HS3ST2: variants seen among roughly 807,000 people sequenced by gnomAD.
The protein encoded by HS3ST2 is heparan sulfate glucosamine 3-O-sulfotransferase 2.
In HS3ST2, 17 loss-of-function variants were observed where a neutral mutation model predicts 26.3. The observed-to-expected ratio is 0.65, with a 90% CI of 0.44 to 0.97. The LOEUF is 0.97. HS3ST2 is among the 50% of genes least tolerant of loss of function. HS3ST2 has a pLI of 0.00. For synonymous variants in HS3ST2, 237 were observed against 219.2 expected, an observed-to-expected ratio of 1.08 and a Z score of -0.72; for missense variants, 402 against 501.2, an observed-to-expected ratio of 0.80 and a Z score of 1.89.
In HS3ST2 at chr16:22,890,493, A is replaced by G. The variant is rs74416365; in HGVS notation, c.486-24451A>G. The stretch of plus-strand genomic sequence containing the variant: ...CTTTCTTTAAAGAGATCCCAGTTAT[A>G]TACATTTTTGTGCAATAGGTGACCT... On this transcript the variant is annotated intron_variant, in intron 1 of 1. Coordinates refer to ENST00000261374, the MANE Select transcript of HS3ST2 (RefSeq NM_006043.2). 2.5e-3 allele frequency among the ~76,000 whole-genome samples: 380 copies of G among 152,332 alleles called. 6 individuals are homozygous for G. The East Asian group carries it at 0.04, about 16-fold the overall frequency.
At chr16:22,850,318 C>T (rs747606413) in intron 1 of HS3ST2, among the ~76,000 whole-genome samples, 6 of 151,918 alleles carry the variant, frequency 3.9e-5, no homozygotes, top group South Asian at 2.1e-4. Context: ...GTAATACTCT[C>T]GGTAGGTATA....
chr16:22,908,142 A>G (rs208629), intron 1 of HS3ST2, among the ~76,000 whole-genome samples: 72,018 of 151,938 alleles, frequency 0.47, 17,863 homozygotes, highest in Admixed American at 0.56. Context: ...AACAAACACA[A>G]ACCAGCATGA....
chr16:22,824,929 C>T (rs1226704457), intron 1 of HS3ST2, among the ~76,000 whole-genome samples: 1 of 151,998 alleles, frequency 6.6e-6, no homozygotes, highest in Admixed American at 6.6e-5. Context: ...GATGAGTGGG[C>T]ATTGAAGCAA....
intron 1 of HS3ST2, among the ~76,000 whole-genome samples, chr16:22,886,279 T>C (rs926446460): frequency 6.6e-6 from 1 of 152,216 alleles, no homozygotes; most frequent in African/African-American, 2.4e-5. Context: ...TTTGTTTCTT[T>C]CTCTGATACT....
intron 1 of HS3ST2, among the ~76,000 whole-genome samples, chr16:22,836,928 G>A (rs1901264732): frequency 6.6e-6 from 1 of 152,142 alleles, no homozygotes; most frequent in Non-Finnish European, 1.5e-5. Context: ...AAAGTGATGG[G>A]TTTATAGGTG....
intron 1 of HS3ST2, among the ~76,000 whole-genome samples, chr16:22,858,238 G>A (rs1901626539): frequency 6.6e-6 from 1 of 151,350 alleles, no homozygotes; most frequent in Admixed American, 6.6e-5. Context: ...TGAGGGGATG[G>A]ATACCCCATT....
At chr16:22,833,569 C>A (rs1053844381) in intron 1 of HS3ST2, 2 of 318,504 alleles carry the variant, frequency 6.3e-6, no homozygotes, top group African/African-American at 4.3e-5. Context: ...GAGTCTACTA[C>A]TCTAAAGACT....
intron 1 of HS3ST2, among the ~76,000 whole-genome samples, chr16:22,856,494 A>G (rs1053648242): frequency 6.6e-6 from 1 of 152,188 alleles, no homozygotes; most frequent in South Asian, 2.1e-4. Flanking sequence ...TTTCCTAGAA[A>G]TAGAAATCCT....
chr16:22,822,214 C>T (rs1476660592), intron 1 of HS3ST2, among the ~76,000 whole-genome samples: 2 of 152,032 alleles, frequency 1.3e-5, no homozygotes, highest in Non-Finnish European at 2.9e-5. Context: ...TTTTTTGAGA[C>T]TCATGCAGTG....
At chr16:22,826,087 G>A (rs1451475952) in intron 1 of HS3ST2, among the ~76,000 whole-genome samples, 1 of 152,184 alleles carries the variant, frequency 6.6e-6, no homozygotes, top group Non-Finnish European at 1.5e-5. Flanking sequence ...CACCTGCTAT[G>A]TGCCAGGCAA....
At chr16:22,896,568 G>A (rs551185322) in intron 1 of HS3ST2, among the ~76,000 whole-genome samples, 4 of 152,184 alleles carry the variant, frequency 2.6e-5, no homozygotes, top group Non-Finnish European at 4.4e-5. Flanking sequence ...TCAGCTCAAT[G>A]TTGTGAATTT....
intron 1 of HS3ST2, among the ~76,000 whole-genome samples, chr16:22,910,308 C>T (rs1902410025): frequency 6.6e-6 from 1 of 152,170 alleles, no homozygotes; most frequent in South Asian, 2.1e-4. Flanking sequence ...AATGGCAAGT[C>T]AAGTCAATTT....
At chr16:22,823,672 AACT>A (rs144352221) in intron 1 of HS3ST2, among the ~76,000 whole-genome samples, 3,462 of 151,692 alleles carry the variant, frequency 0.023, 132 homozygotes, top group African/African-American at 0.079. Flanking sequence ...CTGTAGTCCC[AACT>A]ACTTGGGAGG....
At chr16:22,910,039 A>AAAC (rs988090163) in intron 1 of HS3ST2, among the ~76,000 whole-genome samples, 2 of 148,732 alleles carry the variant, frequency 1.3e-5, no homozygotes, top group Non-Finnish European at 3.0e-5. Flanking sequence ...CTCCATCTCA[A>AAAC]AAAAAAAAAA....
chr16:22,836,256 A>G (rs2141180143), intron 1 of HS3ST2, among the ~76,000 whole-genome samples: 1 of 152,356 alleles, frequency 6.6e-6, no homozygotes, highest in East Asian at 1.9e-4. Flanking sequence ...TAATAGAGAC[A>G]TGCCATCTGT....
rs543334020 is a variant in HS3ST2, at chr16:22,820,259, A to T, written c.485+5164A>T. 8.5e-5 allele frequency among the ~76,000 whole-genome samples: 13 copies of T among 152,332 alleles called. No homozygotes were observed. In the East Asian group the frequency reaches 2.3e-3, roughly 27 times the overall value. ...TGCCAGCAAATGTACAGTTCTTGTC[A>T]GGCATGGAGGAACATTCGGAATGGG... On this transcript the variant is annotated intron_variant, in intron 1 of 1. Coordinates refer to ENST00000261374, the MANE Select transcript of HS3ST2 (RefSeq NM_006043.2).
At chr16:22,908,175 G>C (rs532755860) in intron 1 of HS3ST2, among the ~76,000 whole-genome samples, 35 of 152,178 alleles carry the variant, frequency 2.3e-4, no homozygotes, top group Non-Finnish European at 3.7e-4. Flanking sequence ...GTAGGCCATT[G>C]AGAAGATCCA....
chr16:22,899,823 A>G (rs1267966369), intron 1 of HS3ST2, among the ~76,000 whole-genome samples: 1 of 152,036 alleles, frequency 6.6e-6, no homozygotes, highest in Non-Finnish European at 1.5e-5. Context: ...GGAAAAACCC[A>G]CCCTCATGAT....
At chr16:22,844,940 C>G (rs575971935) in intron 1 of HS3ST2, among the ~76,000 whole-genome samples, 1 of 151,482 alleles carries the variant, frequency 6.6e-6, no homozygotes, top group African/African-American at 2.4e-5. Context: ...CTGCAAGCTT[C>G]GCCTCCCAGG....
Sources: allele counts gnomAD v4.1 joint callset (sites outside exome capture counted in the v4.1 genomes callset), GRCh38; gene constraint gnomAD v4.1.1; transcripts MANE v1.5; gene names NCBI Gene and HGNC (gene_info 2026-07-23, HGNC 2026-07-21).